Variants in ZMYND11 observed in about 807,000 individuals in gnomAD.
ZMYND11 encodes the protein zinc finger MYND-type containing 11.
ZMYND11 carries 9 observed loss-of-function variants against 84.9 expected under a neutral mutation model. That is an observed-to-expected ratio of 0.11 (90% CI 0.06 to 0.18). ZMYND11 has a LOEUF of 0.18. Among genes scored for constraint, ZMYND11 ranks in the 10% least tolerant of loss-of-function variants. The pLI is 1.00. For missense variants in ZMYND11, 409 were observed against 761.0 expected (o/e 0.54, Z 5.44); for synonymous variants, 250 against 244.1 (o/e 1.02, Z -0.23).
chr10:149,343 C>T (rs1388332918), intron 1 of ZMYND11, among the ~76,000 whole-genome samples: 1 of 150,092 alleles, frequency 6.7e-6, no homozygotes, highest in Non-Finnish European at 1.5e-5. Flanking sequence ...ACCAGTCTCG[C>T]TCTGTCGCCC....
chr10:180,120 T>G lies in ZMYND11; in HGVS notation c.108T>G (p.Arg36=). 6.2e-7 allele frequency: 1 copy of G among 1,609,336 alleles called. No homozygotes were observed. Among genetic ancestry groups the G allele is most frequent in the Non-Finnish European group, 8.5e-7 (1 of 1,177,330 alleles). The part of the protein sequence containing the change: ...RNQKQIANID[R]ITKYMSRVHG... ...AGAAGCAGATTGCCAACATTGACCG[T>G]ATTACAAAGTAAGTAAATTTAAACA... is the stretch of plus-strand genomic sequence containing the variant. Residue 36 remains arginine, a synonymous_variant, in exon 2 of 15, where the codon CGT becomes CGG. Transcript: ENST00000381604.
chr10:209,027 A>G (rs1944693413), intron 2 of ZMYND11, among the ~76,000 whole-genome samples: 1 of 151,968 alleles, frequency 6.6e-6, no homozygotes. Flanking sequence ...GTGTATATAT[A>G]TATGTATATG....
intron 1 of ZMYND11, among the ~76,000 whole-genome samples, chr10:136,264 T>C (rs1443132590): frequency 6.6e-6 from 1 of 152,104 alleles, no homozygotes; most frequent in Non-Finnish European, 1.5e-5. Flanking sequence ...ACCCGGACTT[T>C]CACTTGCAGT....
chr10:206,177 T>C (rs1463501046), intron 2 of ZMYND11, among the ~76,000 whole-genome samples: 1 of 152,130 alleles, frequency 6.6e-6, no homozygotes, highest in African/African-American at 2.4e-5. Flanking sequence ...CTGACCAACA[T>C]GGTGAAACCC....
In ZMYND11 at chr10:252,618, T is replaced by A; in HGVS notation, c.*148T>A. ...CGTGAAGAAATTTTGCACAGTAGTT[T>A]AAATCTTTTGTTAATGCTCCTCCGA... is the stretch of plus-strand genomic sequence containing the variant. On this transcript the variant is annotated 3_prime_UTR_variant, in exon 15 of 15. Transcript: ENST00000381604. This position sits in a 1 kb window ranked among gnomAD's most constrained non-coding sequence, Gnocchi z 4.6. The A allele has an allele frequency of 8.7e-7, 1 of 1,145,256 alleles. No individual in the cohort carries two copies. The highest frequency in any genetic ancestry group is 1.2e-6 in the Non-Finnish European group (1 of 856,720). 70.9% of individuals were successfully genotyped at this position (1,145,256 alleles called of 1,614,324 possible). A position where few individuals can be genotyped will look rare whatever the true frequency, so the allele number is the denominator to read the frequency against.
intron 1 of ZMYND11, among the ~76,000 whole-genome samples, chr10:150,235 C>T (rs1447303998): frequency 6.6e-6 from 1 of 152,148 alleles, no homozygotes; most frequent in East Asian, 1.9e-4. Context: ...GTGAATCCGT[C>T]TGGTCCTGGA....
At chr10:184,486 C>A (rs914968538) in intron 2 of ZMYND11, among the ~76,000 whole-genome samples, 34 of 152,102 alleles carry the variant, frequency 2.2e-4, no homozygotes, top group African/African-American at 7.9e-4. Context: ...TTTGTGTACC[C>A]TCTAATTTAG....
chr10:168,675 A>G (rs1443515359), intron 1 of ZMYND11, among the ~76,000 whole-genome samples: 1 of 152,158 alleles, frequency 6.6e-6, no homozygotes, highest in Non-Finnish European at 1.5e-5. Context: ...ACAAGCAAAA[A>G]TAATAATAAT....
chr10:245,946 A>G (rs1035258674), intron 10 of ZMYND11, among the ~76,000 whole-genome samples: 2 of 152,200 alleles, frequency 1.3e-5, no homozygotes, highest in Admixed American at 6.5e-5. Context: ...AAATGAGGCA[A>G]TGAAACTCAA....
At chr10:160,258 C>T (rs782340098) in intron 1 of ZMYND11, among the ~76,000 whole-genome samples, 6 of 152,192 alleles carry the variant, frequency 3.9e-5, no homozygotes, top group Non-Finnish European at 5.9e-5. Flanking sequence ...TACACTTTAC[C>T]ATAGTCTGTT....
At chr10:201,354 C>G (rs1226225321) in intron 2 of ZMYND11, among the ~76,000 whole-genome samples, 1 of 152,186 alleles carries the variant, frequency 6.6e-6, no homozygotes, top group Non-Finnish European at 1.5e-5. Context: ...GAAAACACAT[C>G]ACTGCATTCT....
intron 10 of ZMYND11, 40 bp downstream of exon 10, chr10:242,179 TATGAAGTCCTTA>T: frequency 6.2e-7 from 1 of 1,605,842 alleles, no homozygotes; most frequent in Non-Finnish European, 8.5e-7. Context: ...CAGCTGTGCT[TATGAAGTCCTTA>T]AGAAAGTTTG....
chr10:195,431 A>G (rs1396851170), intron 2 of ZMYND11, among the ~76,000 whole-genome samples: 1 of 152,262 alleles, frequency 6.6e-6, no homozygotes, highest in Admixed American at 6.5e-5. Flanking sequence ...CCACCATAAT[A>G]GTGATCATTC....
intron 4 of ZMYND11, among the ~76,000 whole-genome samples, chr10:229,567 G>A (rs916640848): frequency 3.9e-5 from 6 of 152,094 alleles, no homozygotes; most frequent in South Asian, 2.1e-4. Context: ...GCAGAAGTGG[G>A]TAGGTCGAGT....
At chr10:177,459 C>T (rs1302927257) in intron 1 of ZMYND11, among the ~76,000 whole-genome samples, 1 of 152,038 alleles carries the variant, frequency 6.6e-6, no homozygotes, top group Non-Finnish European at 1.5e-5. Context: ...TAACTTCACA[C>T]CTGTTTTTCT....
In ZMYND11 at chr10:252,716, C is replaced by A; in HGVS notation, c.*246C>A. ...ATAAATTTTAATTGAGAATTTGTTG[C>A]ATTTTCAGCAAATTTTAAAACATTT... On this transcript the variant is annotated 3_prime_UTR_variant, in exon 15 of 15. Coordinates refer to ENST00000381604, the MANE Select transcript of ZMYND11 (RefSeq NM_001370100.5). The surrounding 1 kb of genome is among the most constrained non-coding windows in gnomAD (Gnocchi z 4.6). 1 of 350,208 alleles carries A rather than the reference C, an allele frequency of 2.9e-6. No individual in the cohort carries two copies. Among genetic ancestry groups the A allele is most frequent in the Non-Finnish European group, 5.1e-6 (1 of 197,970 alleles). 21.7% of individuals were successfully genotyped at this position (350,208 alleles called of 1,614,324 possible). A position where few individuals can be genotyped will look rare whatever the true frequency, so the allele number is the denominator to read the frequency against.
chr10:176,202 G>A (rs1398739631), intron 1 of ZMYND11, among the ~76,000 whole-genome samples: 1 of 152,088 alleles, frequency 6.6e-6, no homozygotes, highest in Non-Finnish European at 1.5e-5. Flanking sequence ...AGTACATCTG[G>A]ATTTGTTGGG....
chr10:222,248 A>G (rs2131434859), intron 4 of ZMYND11, among the ~76,000 whole-genome samples: 2 of 152,168 alleles, frequency 1.3e-5, no homozygotes, highest in East Asian at 3.9e-4. Context: ...CCTCTCTGGC[A>G]TTAGTCGAAA....
intron 1 of ZMYND11, among the ~76,000 whole-genome samples, chr10:137,863 T>C (rs1588349944): frequency 6.6e-6 from 1 of 152,320 alleles, no homozygotes; most frequent in South Asian, 2.1e-4. Flanking sequence ...AAAATATTTG[T>C]CTTGCTTGAC....
Sources: allele counts gnomAD v4.1 joint callset (sites outside exome capture counted in the v4.1 genomes callset), GRCh38; gene constraint gnomAD v4.1.1; non-coding constraint Gnocchi (gnomAD v3.1); transcripts MANE v1.5; gene names NCBI Gene and HGNC (gene_info 2026-07-23, HGNC 2026-07-21).